SLC24A2: variants seen among roughly 807,000 people sequenced by gnomAD.
SLC24A2 encodes the protein solute carrier family 24 member 2.
A neutral mutation model predicts 62.0 loss-of-function variants in SLC24A2; 36 were observed. That is an observed-to-expected ratio of 0.58 (90% CI 0.44 to 0.77). The LOEUF is 0.77. SLC24A2 is among the 30% of genes least tolerant of loss of function. SLC24A2 has a pLI of 0.00. For missense variants in SLC24A2, 846 were observed against 817.9 expected, an observed-to-expected ratio of 1.03 and a Z score of -0.42; for synonymous variants, 358 against 294.0, an observed-to-expected ratio of 1.22 and a Z score of -2.23.
the SLC24A2 span, among the ~76,000 whole-genome samples, chr9:20,256,826 T>C: frequency 2.4e-4 from 37 of 152,058 alleles, no homozygotes; most frequent in African/African-American, 8.9e-4. Context: ...ACTCTTTTTA[T>C]TTGCTCCTGC....
At chr9:19,674,610 C>T (rs1819511359) in intron 2 of SLC24A2, among the ~76,000 whole-genome samples, 3 of 152,066 alleles carry the variant, frequency 2.0e-5, no homozygotes, top group African/African-American at 7.3e-5. Context: ...ATTTGAAAAC[C>T]TTGTCTTTGA....
At chr9:19,545,792 C>T (rs546420657) in intron 8 of SLC24A2, among the ~76,000 whole-genome samples, 1 of 152,068 alleles carries the variant, frequency 6.6e-6, no homozygotes, top group African/African-American at 2.4e-5. Flanking sequence ...GCACCCACCA[C>T]CACGCCTGCC....
the SLC24A2 span, among the ~76,000 whole-genome samples, chr9:20,034,929 C>T: frequency 6.6e-6 from 1 of 152,124 alleles, no homozygotes; most frequent in East Asian, 1.9e-4. Context: ...ATTCATACTC[C>T]ATTTCCTCTA....
At chr9:20,091,104 T>C in the SLC24A2 span, among the ~76,000 whole-genome samples, 2 of 145,280 alleles carry the variant, frequency 1.4e-5, no homozygotes, top group African/African-American at 5.1e-5. Flanking sequence ...GGAAACAATC[T>C]GAGAAATTGA....
At chr9:20,021,543 C>T in the SLC24A2 span, among the ~76,000 whole-genome samples, 3 of 151,790 alleles carry the variant, frequency 2.0e-5, no homozygotes, top group Non-Finnish European at 4.4e-5. Context: ...TGGGAAAAAG[C>T]CCATTAGGTC....
chr9:20,188,515 A>G, the SLC24A2 span, among the ~76,000 whole-genome samples: 2 of 152,316 alleles, frequency 1.3e-5, no homozygotes, highest in East Asian at 3.9e-4. Context: ...AAAATCTGTG[A>G]GTGTTACTTT....
chr9:20,299,193 C>G, the SLC24A2 span, among the ~76,000 whole-genome samples: 1 of 152,130 alleles, frequency 6.6e-6, no homozygotes, highest in African/African-American at 2.4e-5. Flanking sequence ...AAAAATTAGC[C>G]CTTTCGTGCA....
intron 5 of SLC24A2, among the ~76,000 whole-genome samples, chr9:19,586,528 G>T (rs1836375393): frequency 6.6e-6 from 1 of 151,348 alleles, no homozygotes; most frequent in African/African-American, 2.4e-5. Context: ...TTAATGCTGT[G>T]GTTAAGTTAA....
chr9:19,533,123 A>T (rs1833784401), intron 8 of SLC24A2, among the ~76,000 whole-genome samples: 1 of 152,192 alleles, frequency 6.6e-6, no homozygotes, highest in South Asian at 2.1e-4. Context: ...GCAGAAATAA[A>T]AGCTAGTGGG....
chr9:19,962,544 A>C, the SLC24A2 span, among the ~76,000 whole-genome samples: 1 of 152,132 alleles, frequency 6.6e-6, no homozygotes, highest in Admixed American at 6.6e-5. Flanking sequence ...TTCATTGAGC[A>C]GTGGTTTGTA....
chr9:20,027,877 A>G, the SLC24A2 span, among the ~76,000 whole-genome samples: 167 of 152,350 alleles, frequency 1.1e-3, 3 homozygotes, highest in African/African-American at 3.8e-3. Context: ...ACTTCAAAAC[A>G]TAATGCTTTA....
chr9:20,098,153 G>T, the SLC24A2 span, among the ~76,000 whole-genome samples: 2 of 152,134 alleles, frequency 1.3e-5, no homozygotes, highest in Non-Finnish European at 2.9e-5. Flanking sequence ...TAGCTATCAG[G>T]TTCTGAAAAT....
chr9:19,881,556 C>A, the SLC24A2 span, among the ~76,000 whole-genome samples: 1 of 152,070 alleles, frequency 6.6e-6, no homozygotes, highest in African/African-American at 2.4e-5. Flanking sequence ...GGTAAGGAAC[C>A]CCCACTATGA....
chr9:20,030,320 G>A, the SLC24A2 span, among the ~76,000 whole-genome samples: 1 of 152,226 alleles, frequency 6.6e-6, no homozygotes, highest in African/African-American at 2.4e-5. Flanking sequence ...TCACCTGGGT[G>A]TTTTAGATAA....
At chr9:20,175,228 T>G in the SLC24A2 span, among the ~76,000 whole-genome samples, 1 of 151,802 alleles carries the variant, frequency 6.6e-6, no homozygotes, top group South Asian at 2.1e-4. Flanking sequence ...TTTTGGGGAC[T>G]CAGGGGGAAA....
At chr9:20,178,650 T>A in the SLC24A2 span, among the ~76,000 whole-genome samples, 1 of 152,140 alleles carries the variant, frequency 6.6e-6, no homozygotes, top group South Asian at 2.1e-4. Flanking sequence ...AGGAATAGAC[T>A]TATGCCCAGA....
At chr9:20,042,580 T>C in the SLC24A2 span, among the ~76,000 whole-genome samples, 21 of 152,314 alleles carry the variant, frequency 1.4e-4, no homozygotes, top group Middle Eastern at 0.01. Context: ...CTAGGCCTTA[T>C]TGCTAAGGGA....
rs1194102273 is a variant in SLC24A2, at chr9:19,511,183, C to G, written c.*4970G>C. On this transcript the variant is annotated 3_prime_UTR_variant, in exon 11 of 11. Transcript: ENST00000341998. ...AAAAGGAATATTGCCATGGTGTAAT[C>G]ATAAGTAATAGAGTTGAGCTGGCTG... is the stretch of plus-strand genomic sequence containing the variant. 2.0e-5 allele frequency: 3 copies of G among 152,146 alleles called. No homozygotes were observed. Among genetic ancestry groups the G allele is most frequent in the African/African-American group, 7.2e-5 (3 of 41,416 alleles). 9.4% of individuals were successfully genotyped at this position (152,146 alleles called of 1,614,324 possible).
At chr9:19,820,510 A>G in the SLC24A2 span, among the ~76,000 whole-genome samples, 53 of 151,646 alleles carry the variant, frequency 3.5e-4, no homozygotes, top group Non-Finnish European at 1.3e-4. Context: ...GTCTCCCAAA[A>G]ACCTATGGAA....
Sources: allele counts gnomAD v4.1 joint callset (sites outside exome capture counted in the v4.1 genomes callset), GRCh38; gene constraint gnomAD v4.1.1; transcripts MANE v1.5; gene names NCBI Gene and HGNC (gene_info 2026-07-23, HGNC 2026-07-21).